Variants in HS6ST3 observed in about 807,000 individuals in gnomAD.
HS6ST3 encodes heparan-sulfate 6-O-sulfotransferase 3.
Under a neutral mutation model 36.7 loss-of-function variants are expected in HS6ST3, and 12 were observed. That is an observed-to-expected ratio of 0.33 (90% CI 0.21 to 0.53). The LOEUF is 0.53. Among genes scored for constraint, HS6ST3 ranks in the 20% least tolerant of loss-of-function variants. The pLI, the probability that HS6ST3 is intolerant of heterozygous loss-of-function variation, is 0.95. For missense variants in HS6ST3, 584 were observed against 640.9 expected, an observed-to-expected ratio of 0.91 and a Z score of 0.96; for synonymous variants, 240 against 257.5, an observed-to-expected ratio of 0.93 and a Z score of 0.65.
Position 96,658,268 on chromosome 13 carries a change from C to CTTCTTTTTTTTTTTTTTT in HS6ST3, c.708-174220_708-174219insCTTTTTTTTTTTTTTTTT, listed in dbSNP as rs1566422902. Among the ~76,000 whole-genome samples, 60 of 76,116 alleles carry CTTCTTTTTTTTTTTTTTT rather than the reference C, an allele frequency of 7.9e-4. 2 individuals carry two copies. Among genetic ancestry groups the CTTCTTTTTTTTTTTTTTT allele is most frequent in the Non-Finnish European group, 1.1e-3 (47 of 41,000 alleles). 49.9% of individuals were successfully genotyped at this position (76,116 alleles called of 152,430 possible). On this transcript the variant is annotated intron_variant, in intron 1 of 1. Coordinates refer to ENST00000376705, the MANE Select transcript of HS6ST3 (RefSeq NM_153456.4). ...TTCTTCTTCTTCTTCTCTTCTTCTT[C>CTTCTTTTTTTTTTTTTTT]TTTTTTTTTTTTTTTTTTTTTTTTT... is the stretch of plus-strand genomic sequence containing the variant.
At chr13:96,636,260 C>T (rs1424337570) in intron 1 of HS6ST3, among the ~76,000 whole-genome samples, 1 of 152,160 alleles carries the variant, frequency 6.6e-6, no homozygotes, top group Non-Finnish European at 1.5e-5. Context: ...GCACTGCCAT[C>T]TGATAATAGC....
intron 1 of HS6ST3, among the ~76,000 whole-genome samples, chr13:96,610,683 G>A (rs1424796534): frequency 6.6e-6 from 1 of 152,064 alleles, no homozygotes; most frequent in Non-Finnish European, 1.5e-5. Context: ...TGATTATCAT[G>A]TTAATTAGAA....
intron 1 of HS6ST3, among the ~76,000 whole-genome samples, chr13:96,371,027 A>G (rs1004432038): frequency 7.2e-5 from 11 of 152,218 alleles, no homozygotes; most frequent in African/African-American, 2.2e-4. Context: ...ATTTTACACA[A>G]TTAGCTGTTT....
At chr13:96,822,994 A>G (rs1020650657) in intron 1 of HS6ST3, among the ~76,000 whole-genome samples, 1 of 152,216 alleles carries the variant, frequency 6.6e-6, no homozygotes, top group African/African-American at 2.4e-5. Context: ...CACAAGCTCT[A>G]ACCAGACTGT....
intron 1 of HS6ST3, among the ~76,000 whole-genome samples, chr13:96,592,456 A>G (rs1358863429): frequency 1.3e-5 from 2 of 152,120 alleles, no homozygotes; most frequent in African/African-American, 4.8e-5. Flanking sequence ...TACACACCAC[A>G]ATTACAGTGT....
rs907388483 is a variant in HS6ST3, at chr13:96,362,481, A to C, written c.707+270912A>C. The stretch of plus-strand genomic sequence containing the variant: ...CTGTTTTATTTAAAGTCCGAGGTAG[A>C]TATTTCTGAGCAATAGGAAGCTCTC... On this transcript the variant is annotated intron_variant, in intron 1 of 1. Coordinates refer to ENST00000376705, the MANE Select transcript of HS6ST3 (RefSeq NM_153456.4). 3.9e-5 allele frequency among the ~76,000 whole-genome samples: 6 copies of C among 152,302 alleles called. No individual in the cohort carries two copies. In the East Asian group the frequency reaches 9.6e-4, roughly 24 times the overall value.
intron 1 of HS6ST3, among the ~76,000 whole-genome samples, chr13:96,617,687 G>A (rs2138992599): frequency 6.6e-6 from 1 of 152,294 alleles, no homozygotes; most frequent in South Asian, 2.1e-4. Context: ...GTTTCTCTAG[G>A]TCAGTGGTTG....
intron 1 of HS6ST3, among the ~76,000 whole-genome samples, chr13:96,556,770 A>G (rs2056242571): frequency 6.6e-6 from 1 of 152,168 alleles, no homozygotes; most frequent in Admixed American, 6.5e-5. Context: ...GTTCCCAACC[A>G]TCCACTTCTA....
chr13:96,829,831 G>A (rs568149324), intron 1 of HS6ST3, among the ~76,000 whole-genome samples: 72 of 152,190 alleles, frequency 4.7e-4, no homozygotes, highest in African/African-American at 1.7e-3. Context: ...CTATATAATA[G>A]AACAATTTAT....
At chr13:96,584,567 A>T (rs2138971236) in intron 1 of HS6ST3, among the ~76,000 whole-genome samples, 1 of 152,322 alleles carries the variant, frequency 6.6e-6, no homozygotes, top group East Asian at 1.9e-4. Context: ...TGCTCAATAA[A>T]CATTTATTGA....
intron 1 of HS6ST3, among the ~76,000 whole-genome samples, chr13:96,309,497 C>T (rs1467198787): frequency 1.3e-5 from 2 of 152,132 alleles, no homozygotes; most frequent in African/African-American, 4.8e-5. Flanking sequence ...TATAACAAGG[C>T]TACTTAAATC....
intron 1 of HS6ST3, among the ~76,000 whole-genome samples, chr13:96,593,681 A>T (rs1233600577): frequency 6.6e-6 from 1 of 151,646 alleles, no homozygotes; most frequent in Non-Finnish European, 1.5e-5. Flanking sequence ...TAAAATTATG[A>T]ATTTCTTCTC....
intron 1 of HS6ST3, among the ~76,000 whole-genome samples, chr13:96,786,332 C>A (rs1291158229): frequency 3.9e-5 from 6 of 152,118 alleles, no homozygotes; most frequent in African/African-American, 1.2e-4. Context: ...CTTGGTAGCA[C>A]TTACCATGGT....
chr13:96,377,908 A>G (rs554292686), intron 1 of HS6ST3, among the ~76,000 whole-genome samples: 1 of 152,360 alleles, frequency 6.6e-6, no homozygotes, highest in African/African-American at 2.4e-5. Context: ...TTGGGGTAAC[A>G]GAAAGAGGGA....
chr13:96,320,263 G>T (rs531922036), intron 1 of HS6ST3, among the ~76,000 whole-genome samples: 2 of 152,092 alleles, frequency 1.3e-5, no homozygotes, highest in Non-Finnish European at 2.9e-5. Context: ...CCCCCCTTTG[G>T]ATTCTGAAAT....
intron 1 of HS6ST3, among the ~76,000 whole-genome samples, chr13:96,325,947 T>A (rs952491021): frequency 1.3e-5 from 2 of 152,148 alleles, no homozygotes; most frequent in Admixed American, 6.5e-5. Flanking sequence ...TTAAAAATAC[T>A]TAATTTAGTT....
intron 1 of HS6ST3, among the ~76,000 whole-genome samples, chr13:96,103,350 C>T (rs899989948): frequency 7.2e-5 from 11 of 152,164 alleles, no homozygotes; most frequent in African/African-American, 2.4e-4. Flanking sequence ...CTCACTTACT[C>T]GTTCACTTAT....
At position 96,708,687 on chromosome 13, in the gene HS6ST3, A is replaced by T. The variant is rs540133827; in HGVS notation, c.708-123803A>T. On this transcript the variant is annotated intron_variant, in intron 1 of 1. Coordinates refer to ENST00000376705, the MANE Select transcript of HS6ST3 (RefSeq NM_153456.4). ...TCCACAGAGGAAAAATCTCCCAAGG[A>T]TCCTGGCCAGGCCACACCAACTGAA... Among the ~76,000 whole-genome samples, 5 of 152,250 alleles carry T rather than the reference A, an allele frequency of 3.3e-5. No homozygotes were observed. In the East Asian group the frequency reaches 9.7e-4, roughly 29 times the overall value.
intron 1 of HS6ST3, among the ~76,000 whole-genome samples, chr13:96,695,322 G>C (rs1875096688): frequency 6.6e-6 from 1 of 152,158 alleles, no homozygotes; most frequent in Admixed American, 6.5e-5. Context: ...AGTTGCCATT[G>C]CCCTTCTGAA....
Sources: gnomAD v4.1 joint callset for allele counts (sites outside exome capture counted in the v4.1 genomes callset) on GRCh38, gnomAD v4.1.1 for gene constraint, MANE v1.5 for transcripts, NCBI Gene and HGNC (gene_info 2026-07-23, HGNC 2026-07-21) for gene names.